The following FSTL5 variants were observed in gnomAD, a reference collection of about 807,000 sequenced individuals.
FSTL5 encodes follistatin like 5.
FSTL5 carries 62 observed loss-of-function variants against 89.1 expected under a neutral mutation model. The observed-to-expected ratio is 0.70, with a 90% CI of 0.57 to 0.86. The LOEUF (loss-of-function observed/expected upper bound fraction) is 0.86, where lower values mean the gene tolerates loss of function less well. FSTL5 is among the 40% of genes least tolerant of loss of function. The probability of loss-of-function intolerance (pLI) is 0.00; values close to 1 mark genes in which losing one functional copy is unlikely to be tolerated. For missense variants in FSTL5, 1,057 were observed against 1,001.6 expected, an observed-to-expected ratio of 1.06 and a Z score of -0.75; for synonymous variants, 383 against 346.2, an observed-to-expected ratio of 1.11 and a Z score of -1.18.
intron 2 of FSTL5, among the ~76,000 whole-genome samples, chr4:162,091,781 C>T (rs1163890338): frequency 6.6e-6 from 1 of 151,820 alleles, no homozygotes; most frequent in Non-Finnish European, 1.5e-5. Context: ...CAACGGCATC[C>T]ATAAAAAAAA....
chr4:161,873,587 G>T (rs1732346049), intron 4 of FSTL5, among the ~76,000 whole-genome samples: 3 of 131,142 alleles, frequency 2.3e-5, no homozygotes, highest in East Asian at 2.1e-4. Context: ...CATAATAAAA[G>T]ATATTTAAAT....
At chr4:161,407,312 C>T (rs2110924301) in intron 15 of FSTL5, among the ~76,000 whole-genome samples, 1 of 152,228 alleles carries the variant, frequency 6.6e-6, no homozygotes, top group South Asian at 2.1e-4. Flanking sequence ...ACAGGAAGTG[C>T]TGCTCCCACA....
chr4:161,624,729 G>C (rs1318304733), intron 7 of FSTL5, among the ~76,000 whole-genome samples: 1 of 151,942 alleles, frequency 6.6e-6, no homozygotes, highest in African/African-American at 2.4e-5. Flanking sequence ...CTAGAATGAG[G>C]AAGAACGATA....
intron 4 of FSTL5, among the ~76,000 whole-genome samples, chr4:161,799,271 A>G (rs1252973823): frequency 6.6e-6 from 1 of 151,612 alleles, no homozygotes; most frequent in Admixed American, 6.6e-5. Context: ...CAAGTGTTAG[A>G]TTCTCCTTTT....
chr4:161,486,516 T>G (rs573881399), intron 12 of FSTL5, among the ~76,000 whole-genome samples: 1 of 152,304 alleles, frequency 6.6e-6, no homozygotes, highest in Non-Finnish European at 1.5e-5. Context: ...TTAGTAGTTA[T>G]GAAAAATAAA....
chr4:161,540,766 C>CAAAAAAA (rs1731791544), intron 9 of FSTL5, among the ~76,000 whole-genome samples: 1 of 151,980 alleles, frequency 6.6e-6, no homozygotes, highest in Non-Finnish European at 1.5e-5. Flanking sequence ...TGTTTCTAAA[C>CAAAAAAA]ACACTGAAAA....
At chr4:161,710,157 A>T (rs756436342) in intron 6 of FSTL5, among the ~76,000 whole-genome samples, 17 of 152,190 alleles carry the variant, frequency 1.1e-4, no homozygotes, top group Non-Finnish European at 2.2e-4. Flanking sequence ...TTGAAGAGAC[A>T]GTGCTCCACC....
chr4:161,559,115 T>C (rs957815709), intron 8 of FSTL5, among the ~76,000 whole-genome samples: 3 of 151,922 alleles, frequency 2.0e-5, no homozygotes, highest in Non-Finnish European at 2.9e-5. Flanking sequence ...CTCAGATTAA[T>C]ATCCAAACTA....
intron 7 of FSTL5, among the ~76,000 whole-genome samples, chr4:161,594,073 A>G (rs1733925172): frequency 6.6e-6 from 1 of 152,166 alleles, no homozygotes; most frequent in African/African-American, 2.4e-5. Context: ...GTATTTTTAG[A>G]AAGATTTTGA....
chr4:161,801,343 T>G (rs927163901), intron 4 of FSTL5, among the ~76,000 whole-genome samples: 1 of 151,604 alleles, frequency 6.6e-6, no homozygotes, highest in African/African-American at 2.4e-5. Flanking sequence ...GGCTTATTTA[T>G]TCATTCAATG....
At chr4:162,121,913 T>C (rs1477183361) in intron 1 of FSTL5, among the ~76,000 whole-genome samples, 2 of 152,076 alleles carry the variant, frequency 1.3e-5, no homozygotes, top group Non-Finnish European at 2.9e-5. Context: ...TAATGAATAG[T>C]AAATATATTT....
chr4:161,870,935 C>T (rs952379400), intron 4 of FSTL5, among the ~76,000 whole-genome samples: 8 of 152,016 alleles, frequency 5.3e-5, no homozygotes, highest in African/African-American at 1.7e-4. Context: ...AAAAAGATTC[C>T]TTAATATATG....
intron 6 of FSTL5, among the ~76,000 whole-genome samples, chr4:161,686,173 T>G (rs1236433648): frequency 6.6e-6 from 1 of 150,810 alleles, no homozygotes; most frequent in African/African-American, 2.4e-5. Flanking sequence ...TGTTAAAAAT[T>G]TTAGCATCTA....
intron 4 of FSTL5, among the ~76,000 whole-genome samples, chr4:161,857,776 G>A (rs1423995845): frequency 6.6e-6 from 1 of 152,114 alleles, no homozygotes; most frequent in East Asian, 1.9e-4. Context: ...TTATTGAGTA[G>A]CTAATTCTCT....
intron 1 of FSTL5, among the ~76,000 whole-genome samples, chr4:162,115,311 T>G (rs935043789): frequency 6.6e-6 from 1 of 152,252 alleles, no homozygotes; most frequent in African/African-American, 2.4e-5. Context: ...ATCATCTTCT[T>G]ATTTCTCTTT....
chr4:161,458,767 CA>C (rs752436502), intron 14 of FSTL5, among the ~76,000 whole-genome samples: 23 of 152,226 alleles, frequency 1.5e-4, no homozygotes, highest in Non-Finnish European at 3.1e-4. Context: ...AAGGCAGAGG[CA>C]AAATCCATAA....
intron 2 of FSTL5, among the ~76,000 whole-genome samples, chr4:162,109,371 A>T (rs1018391088): frequency 1.8e-4 from 28 of 152,118 alleles, no homozygotes; most frequent in African/African-American, 6.8e-4. Context: ...AAACAGACAC[A>T]CACACATTCA....
rs1270263947 is a variant in FSTL5, at chr4:161,424,162, C to T, written c.1841+30842G>A. 4.6e-5 allele frequency among the ~76,000 whole-genome samples: 7 copies of T among 151,524 alleles called. No individual in the cohort carries two copies. The East Asian group carries it at 1.2e-3, about 25-fold the overall frequency. On this transcript the variant is annotated intron_variant, in intron 15 of 15. Coordinates refer to ENST00000306100, the MANE Select transcript of FSTL5 (RefSeq NM_020116.5). ...AAAGTGCTGGGATTACAGGCCTGAG[C>T]CACCACGCCCAGCCCTTTCCTAGTA...
chr4:162,129,050 A>G (rs951511809), intron 1 of FSTL5, among the ~76,000 whole-genome samples: 2 of 151,724 alleles, frequency 1.3e-5, no homozygotes, highest in African/African-American at 4.8e-5. Flanking sequence ...CTCCTGCCTC[A>G]GCCTCCCAAG....
Sources: allele counts gnomAD v4.1 joint callset (sites outside exome capture counted in the v4.1 genomes callset), GRCh38; gene constraint gnomAD v4.1.1; transcripts MANE v1.5; gene names NCBI Gene and HGNC (gene_info 2026-07-23, HGNC 2026-07-21).